The following CPVL variants were observed in gnomAD, a reference collection of about 807,000 sequenced individuals.
The protein encoded by CPVL is carboxypeptidase vitellogenic like.
A neutral mutation model predicts 63.7 loss-of-function variants in CPVL; 51 were observed. The observed-to-expected ratio is 0.80, with a 90% CI of 0.64 to 1.01. The LOEUF (loss-of-function observed/expected upper bound fraction) is 1.01, where lower values mean the gene tolerates loss of function less well. CPVL is among the 50% of genes least tolerant of loss of function. The probability of loss-of-function intolerance (pLI) is 0.00; values close to 1 mark genes in which losing one functional copy is unlikely to be tolerated. For missense variants in CPVL, 530 were observed against 573.1 expected, an observed-to-expected ratio of 0.92 and a Z score of 0.77; for synonymous variants, 195 against 206.0, an observed-to-expected ratio of 0.95 and a Z score of 0.46.
intron 7 of CPVL, among the ~76,000 whole-genome samples, chr7:29,083,227 C>T (rs752933711): frequency 2.0e-5 from 3 of 152,238 alleles, no homozygotes; most frequent in Admixed American, 1.3e-4. Context: ...CTCTTTCCCT[C>T]GCTGAAGGTG....
At chr7:29,156,970 G>A (rs970677213) in intron 5 of CPVL, among the ~76,000 whole-genome samples, 15 of 152,048 alleles carry the variant, frequency 9.9e-5, no homozygotes, top group Admixed American at 3.3e-4. Flanking sequence ...GCTACCCTTC[G>A]AGCTCAATTT....
chr7:28,998,066 CAT>C (rs760849276), intron 12 of CPVL, among the ~76,000 whole-genome samples: 4 of 152,164 alleles, frequency 2.6e-5, no homozygotes, highest in Non-Finnish European at 4.4e-5. Context: ...TGAAAGTAAA[CAT>C]GTGTGACAAG....
At chr7:29,167,902 C>T (rs1213225529) in intron 5 of CPVL, among the ~76,000 whole-genome samples, 1 of 152,212 alleles carries the variant, frequency 6.6e-6, no homozygotes, top group Non-Finnish European at 1.5e-5. Flanking sequence ...CAAAAACCCC[C>T]ATGCTTTCCT....
intron 1 of CPVL, chr7:29,195,071 G>A: frequency 6.9e-7 from 1 of 1,439,860 alleles, no homozygotes; most frequent in Non-Finnish European, 9.4e-7. Context: ...GATGGACAGA[G>A]CCTACCTGTG....
chr7:29,018,456 G>A (rs1786638707), intron 12 of CPVL, among the ~76,000 whole-genome samples: 1 of 141,192 alleles, frequency 7.1e-6, no homozygotes, highest in Admixed American at 7.6e-5. Context: ...TCAGCTCACC[G>A]CAACCTCTGC....
chr7:29,131,900 C>T (rs1790741993), intron 1 of CPVL, among the ~76,000 whole-genome samples: 1 of 152,216 alleles, frequency 6.6e-6, no homozygotes, highest in Non-Finnish European at 1.5e-5. Context: ...ATACTCCAGG[C>T]AGCAGCTGAC....
intron 7 of CPVL, among the ~76,000 whole-genome samples, chr7:29,083,528 G>T (rs1271848730): frequency 6.6e-6 from 1 of 152,222 alleles, no homozygotes; most frequent in Non-Finnish European, 1.5e-5. Context: ...TACTGGGAAA[G>T]GGAAGTTGAA....
At chr7:29,077,916 A>G (rs1657658137) in intron 7 of CPVL, among the ~76,000 whole-genome samples, 1 of 152,200 alleles carries the variant, frequency 6.6e-6, no homozygotes, top group Admixed American at 6.5e-5. Context: ...GGCTTCATCT[A>G]GCCTAGGGTA....
intron 12 of CPVL, among the ~76,000 whole-genome samples, chr7:28,999,038 C>G (rs1784356402): frequency 6.6e-6 from 1 of 151,248 alleles, no homozygotes; most frequent in South Asian, 2.1e-4. Context: ...AACCCTGCCT[C>G]TACTAAAAAT....
intron 3 of CPVL, among the ~76,000 whole-genome samples, chr7:29,100,168 T>C (rs1786956427): frequency 6.6e-6 from 1 of 152,136 alleles, no homozygotes; most frequent in Non-Finnish European, 1.5e-5. Context: ...CTTCCCAGCC[T>C]CCCAGGGAGT....
intron 7 of CPVL, among the ~76,000 whole-genome samples, chr7:29,077,161 C>T (rs1784320768): frequency 2.6e-5 from 4 of 152,208 alleles, no homozygotes; most frequent in Admixed American, 2.0e-4. Context: ...CTTCAATCAG[C>T]TCCTCCAGAG....
intron 1 of CPVL, chr7:29,194,874 GGGCGAGGGCAGC>G (rs1219075919): frequency 7.5e-7 from 1 of 1,341,108 alleles, no homozygotes; most frequent in East Asian, 3.1e-5. Context: ...GCGAGCGGCC[GGGCGAGGGCAGC>G]GGCGGCGGCG....
chr7:29,159,927 TCCC>T (rs1339708850), intron 5 of CPVL, among the ~76,000 whole-genome samples: 3 of 152,218 alleles, frequency 2.0e-5, no homozygotes, highest in Admixed American at 2.0e-4. Context: ...TAATTAATTG[TCCC>T]CAAATGGCAT....
chr7:29,187,369 AAGAG>A (rs1318101553), intron 1 of CPVL, among the ~76,000 whole-genome samples: 2 of 150,918 alleles, frequency 1.3e-5, no homozygotes, highest in Non-Finnish European at 3.0e-5. Flanking sequence ...GTGTGTGACA[AAGAG>A]AGAGACAGAG....
chr7:28,996,941 T>A (rs1179325673), intron 12 of CPVL, among the ~76,000 whole-genome samples: 7 of 152,252 alleles, frequency 4.6e-5, no homozygotes, highest in African/African-American at 1.7e-4. Flanking sequence ...TAGTCTTAAG[T>A]GTAGACTCAC....
chr7:29,127,218 G>C (rs968924169), intron 1 of CPVL, among the ~76,000 whole-genome samples: 4 of 152,192 alleles, frequency 2.6e-5, no homozygotes, highest in Admixed American at 2.6e-4. Context: ...ATTTAAGTGG[G>C]CATGTGGTGG....
intron 12 of CPVL, among the ~76,000 whole-genome samples, chr7:29,026,148 GA>G (rs1161717077): frequency 6.6e-6 from 1 of 151,962 alleles, no homozygotes; most frequent in Non-Finnish European, 1.5e-5. Flanking sequence ...AATTAAACTA[GA>G]AATCAATACC....
At chr7:29,016,124 G>T (rs1375228325) in intron 12 of CPVL, among the ~76,000 whole-genome samples, 1 of 152,144 alleles carries the variant, frequency 6.6e-6, no homozygotes, top group Non-Finnish European at 1.5e-5. Context: ...GCGAAGGCTG[G>T]TGGATCACCT....
intron 12 of CPVL, among the ~76,000 whole-genome samples, chr7:29,005,805 C>T (rs1785138029): frequency 6.6e-6 from 1 of 152,240 alleles, no homozygotes; most frequent in South Asian, 2.1e-4. Flanking sequence ...TTCTCTCCTT[C>T]CCTGTCCAGT....
Sources: gnomAD v4.1 joint callset for allele counts (sites outside exome capture counted in the v4.1 genomes callset) on GRCh38, gnomAD v4.1.1 for gene constraint, MANE v1.5 for transcripts, NCBI Gene and HGNC (gene_info 2026-07-23, HGNC 2026-07-21) for gene names.